TBC1D32: variants seen among roughly 807,000 people sequenced by gnomAD.
The protein encoded by TBC1D32 is protein broad-minded.
Under a neutral mutation model 170.3 loss-of-function variants are expected in TBC1D32, and 151 were observed. The ratio of observed to expected loss-of-function variants is 0.89; its 90% CI spans 0.78 to 1.01. The LOEUF (loss-of-function observed/expected upper bound fraction) is 1.01. Among genes scored for constraint, TBC1D32 ranks in the 50% least tolerant of loss-of-function variants. The pLI, the probability that TBC1D32 is intolerant of heterozygous loss-of-function variation, is 0.00. For missense variants in TBC1D32, 1,464 were observed against 1,457.1 expected (o/e 1.00, Z -0.08); for synonymous variants, 498 against 488.0 (o/e 1.02, Z -0.27).
chr6:121,087,493 T>C (rs1044854425), intron 31 of TBC1D32, among the ~76,000 whole-genome samples: 3 of 152,172 alleles, frequency 2.0e-5, no homozygotes, highest in African/African-American at 7.2e-5. Context: ...GCACACAGAT[T>C]TTTATTTCTA....
Position 121,223,360 on chromosome 6 carries a change from G to T in TBC1D32, c.2365-8C>A. On this transcript the variant is annotated splice_polypyrimidine_tract_variant and splice_region_variant and intron_variant, in intron 20 of 31. Coordinates refer to ENST00000398212, the MANE Select transcript of TBC1D32 (RefSeq NM_152730.6). Reference sequence around the variant, plus strand: ...CACCAGTGCTAAAAAAGACTAGAGGGAAAGAAAACAGTCATTTAAATGATT... The same window carrying T: ...CACCAGTGCTAAAAAAGACTAGAGGTAAAGAAAACAGTCATTTAAATGATT... 4 of 1,532,006 alleles carry T rather than the reference G, an allele frequency of 2.6e-6. No individual in the cohort carries two copies. Among genetic ancestry groups the T allele is most frequent in the East Asian group, 4.6e-5 (2 of 43,182 alleles). 94.9% of individuals were successfully genotyped at this position (1,532,006 alleles called of 1,614,324 possible).
intron 26 of TBC1D32, among the ~76,000 whole-genome samples, chr6:121,119,699 T>C (rs982553177): frequency 1.3e-5 from 2 of 152,158 alleles, no homozygotes; most frequent in African/African-American, 2.4e-5. Context: ...ATTTACAAAC[T>C]GCAAATGTGC....
intron 20 of TBC1D32, among the ~76,000 whole-genome samples, chr6:121,231,707 G>A (rs1795762325): frequency 6.6e-6 from 1 of 151,940 alleles, no homozygotes; most frequent in Non-Finnish European, 1.5e-5. Flanking sequence ...TTGGCCATTT[G>A]TGTATCTTCT....
chr6:121,243,851 T>C (rs1583367939), intron 17 of TBC1D32, among the ~76,000 whole-genome samples: 1 of 149,184 alleles, frequency 6.7e-6, no homozygotes, highest in Admixed American at 6.7e-5. Context: ...AGGAGTAAAA[T>C]GAAAATAGAA....
rs577694679 is a variant in TBC1D32 at position 121,212,959 on chromosome 6, A to T, written c.2482-7796T>A. On this transcript the variant is annotated intron_variant, in intron 21 of 31. Coordinates refer to ENST00000398212, the MANE Select transcript of TBC1D32 (RefSeq NM_152730.6). ...GACTAAAGACAAAAACCAAATGATT[A>T]TCTCAATAGATGCAGAAAAGGCTTT... 5.3e-5 allele frequency among the ~76,000 whole-genome samples: 8 copies of T among 152,346 alleles called. No homozygotes were observed. The East Asian group carries it at 1.5e-3, about 29-fold the overall frequency.
chr6:121,306,692 ACTAC>A (rs1807371456), intron 5 of TBC1D32, among the ~76,000 whole-genome samples: 1 of 152,218 alleles, frequency 6.6e-6, no homozygotes, highest in South Asian at 2.1e-4. Flanking sequence ...CATCATAGAT[ACTAC>A]CTGTAGAATT....
intron 25 of TBC1D32, among the ~76,000 whole-genome samples, chr6:121,127,872 G>C (rs925740365): frequency 6.6e-6 from 1 of 152,198 alleles, no homozygotes; most frequent in South Asian, 2.1e-4. Context: ...TTTGCTACAC[G>C]CTATGTATTT....
chr6:121,328,242 T>G (rs1810702978), intron 1 of TBC1D32, among the ~76,000 whole-genome samples: 1 of 152,020 alleles, frequency 6.6e-6, no homozygotes, highest in Non-Finnish European at 1.5e-5. Context: ...CTATTCATTT[T>G]AAATTTTTCT....
At chr6:121,178,420 C>T in intron 22 of TBC1D32, among the ~76,000 whole-genome samples, 1 of 152,216 alleles carries the variant, frequency 6.6e-6, no homozygotes, top group East Asian at 1.9e-4. Context: ...GGGATCACTA[C>T]AGCTGCTATG....
At chr6:121,187,708 C>T (rs1421967398) in intron 22 of TBC1D32, among the ~76,000 whole-genome samples, 3 of 144,632 alleles carry the variant, frequency 2.1e-5, no homozygotes, top group Non-Finnish European at 4.5e-5. Context: ...AAGAAATTCC[C>T]AGGATGATGA....
At chr6:121,093,524 A>G (rs78510329) in intron 30 of TBC1D32, among the ~76,000 whole-genome samples, 1 of 152,232 alleles carries the variant, frequency 6.6e-6, no homozygotes, top group Admixed American at 6.5e-5. Flanking sequence ...AATACAAACG[A>G]TCTCCACAGC....
intron 17 of TBC1D32, among the ~76,000 whole-genome samples, chr6:121,248,488 T>C (rs183964450): frequency 1.3e-5 from 2 of 150,594 alleles, no homozygotes; most frequent in Admixed American, 1.3e-4. Context: ...TAAATGAAAT[T>C]GAAAGAAAAA....
At chr6:121,245,655 C>T (rs775705261) in intron 17 of TBC1D32, among the ~76,000 whole-genome samples, 2 of 152,130 alleles carry the variant, frequency 1.3e-5, no homozygotes, top group African/African-American at 4.8e-5. Context: ...TTCATGGGAA[C>T]GGAGCATGGA....
intron 21 of TBC1D32, among the ~76,000 whole-genome samples, chr6:121,215,001 GTA>G (rs1793642012): frequency 6.6e-6 from 1 of 152,146 alleles, no homozygotes; most frequent in South Asian, 2.1e-4. Context: ...GACCCACAAT[GTA>G]TATCTCCTCT....
chr6:121,192,081 T>TATATATAC (rs1191358364), intron 22 of TBC1D32, among the ~76,000 whole-genome samples: 3 of 132,428 alleles, frequency 2.3e-5, no homozygotes, highest in African/African-American at 8.0e-5. Flanking sequence ...TATATATATA[T>TATATATAC]ATCCTATTAG....
intron 24 of TBC1D32, among the ~76,000 whole-genome samples, chr6:121,156,893 T>C (rs1784961853): frequency 6.6e-6 from 1 of 152,118 alleles, no homozygotes; most frequent in African/African-American, 2.4e-5. Context: ...GGCATCATTT[T>C]TAAAAATTCA....
chr6:121,108,328 T>C (rs542766940), intron 29 of TBC1D32, among the ~76,000 whole-genome samples: 1 of 152,076 alleles, frequency 6.6e-6, no homozygotes, highest in Admixed American at 6.6e-5. Flanking sequence ...AGTTTTGATG[T>C]AATTTGTTTA....
At chr6:121,326,973 C>T in intron 1 of TBC1D32, among the ~76,000 whole-genome samples, 1 of 152,056 alleles carries the variant, frequency 6.6e-6, no homozygotes, top group East Asian at 1.9e-4. Context: ...AAATACTCAT[C>T]CAACAATTAA....
intron 17 of TBC1D32, among the ~76,000 whole-genome samples, chr6:121,243,243 A>C (rs1035482552): frequency 6.6e-6 from 1 of 152,104 alleles, no homozygotes; most frequent in South Asian, 2.1e-4. Context: ...CCTAATAAAA[A>C]ATATAGAGAA....
Sources: allele counts gnomAD v4.1 joint callset (sites outside exome capture counted in the v4.1 genomes callset), GRCh38; gene constraint gnomAD v4.1.1; transcripts MANE v1.5; gene names NCBI Gene and HGNC (gene_info 2026-07-23, HGNC 2026-07-21).